The following TTC21A variants were observed in gnomAD, a reference collection of about 807,000 sequenced individuals.
TTC21A encodes the protein tetratricopeptide repeat protein 21A.
TTC21A carries 128 observed loss-of-function variants against 156.4 expected under a neutral mutation model. That is an observed-to-expected ratio of 0.82 (90% CI 0.71 to 0.95). The LOEUF (loss-of-function observed/expected upper bound fraction) is 0.95. Among genes scored for constraint, TTC21A ranks in the 40% least tolerant of loss-of-function variants. TTC21A has a pLI of 0.00. For synonymous variants in TTC21A, 587 were observed against 617.1 expected (o/e 0.95, Z 0.72); for missense variants, 1,435 against 1,602.3 (o/e 0.90, Z 1.78).
rs368546946 is a variant in TTC21A, at chr3:39,112,591, G to C, written c.558+11G>C. On this transcript the variant is annotated intron_variant, in intron 5 of 28. Transcript: ENST00000683103. ...GGGCTGATGGGAAAGGTGGGCAGTG[G>C]AAAAGGGAGAGGTGGAAGTATTCCT... 1.5e-5 allele frequency: 24 copies of C among 1,613,490 alleles called. No homozygotes were observed. In the African/African-American group the frequency reaches 2.4e-4, roughly 16 times the overall value.
chr3:39,132,985 T>TA (rs1217425069), intron 19 of TTC21A, 67 bp from the exon 20 acceptor site: 7 of 1,559,120 alleles, frequency 4.5e-6, no homozygotes, highest in Non-Finnish European at 6.1e-6. Flanking sequence ...ATTAAGAACT[T>TA]AGGACTTTCT....
rs2039288774 is a variant in TTC21A at position 39,138,274 on chromosome 3, A to G, written c.3683A>G (p.Tyr1228Cys). ...RRCVQYNKSC[Y>C]KAYEYMGFIM... ...AACTGGCTTTCCCTGCAGTCCTGCT[A>G]CAAGGCCTATGAGTACATGGGCTTC... is the stretch of plus-strand genomic sequence containing the variant. Residue 1228 changes from tyrosine to cysteine, a missense_variant, in exon 27 of 29, where the codon TAC becomes TGC. Physicochemically the swap from Tyr to Cys is radical, Grantham distance 194. Transcript: ENST00000683103. 1.2e-6 allele frequency: 2 copies of G among 1,614,090 alleles called. No individual in the cohort carries two copies. The highest frequency in any genetic ancestry group is 1.7e-6 in the Non-Finnish European group (2 of 1,179,952).
chr3:39,138,476 G>A, intron 27 of TTC21A, 80 bp from the exon 28 acceptor site: 1 of 1,613,622 alleles, frequency 6.2e-7, no homozygotes, highest in Admixed American at 1.7e-5. Context: ...CTCAAGGCCT[G>A]TACCCTGGCT....
intron 8 of TTC21A, 128 bp downstream of exon 8, chr3:39,120,148 G>A: frequency 1.5e-6 from 1 of 658,324 alleles, no homozygotes. Flanking sequence ...GTCCTTTAGG[G>A]TAGTGGCTCA....
chr3:39,135,191 A>G lies in TTC21A; in HGVS notation c.2944+17A>G, dbSNP rs750823838. 1 of 1,609,186 alleles carries G rather than the reference A, an allele frequency of 6.2e-7. No individual in the cohort carries two copies. Among genetic ancestry groups the G allele is most frequent in the East Asian group, 2.2e-5 (1 of 44,854 alleles). ...AAGCGCCAGGTAATTCTGCCCATGG[A>G]GACTGCCTGTACCAGTTCCCACTGA... On this transcript the variant is annotated intron_variant, in intron 22 of 28. Transcript: ENST00000683103.
chr3:39,110,410 C>T, intron 3 of TTC21A: 2 of 562,578 alleles, frequency 3.6e-6, no homozygotes, highest in Non-Finnish European at 6.4e-6. Context: ...GGGAAACACC[C>T]TTCTTCTTTG....
Position 39,121,129 on chromosome 3 carries a change from G to T in TTC21A, c.1033G>T (p.Ala345Ser), listed in dbSNP as rs772666910. 1.2e-6 allele frequency: 2 copies of T among 1,614,114 alleles called. No individual in the cohort carries two copies. The highest frequency in any genetic ancestry group is 1.7e-5 in the Admixed American group (1 of 60,012). ...CATCCTGAAGAACCAAGTGAAAGAG[G>T]CCTTGCTGTGGTATTCAGAAGCCAT... is the stretch of plus-strand genomic sequence containing the variant. ...LFILKNQVKE[A>S]LLWYSEAMKL... is the part of the protein sequence containing the mutation. The change falls in exon 9 of 29, where the codon GCC (alanine) becomes TCC (serine). Residue 345 changes from alanine (A) to serine (S), a missense_variant. By Grantham distance (99) the Ala-to-Ser change is moderately conservative. Coordinates refer to ENST00000683103, the MANE Select transcript of TTC21A (RefSeq NM_001366900.1).
Position 39,133,158 on chromosome 3 carries a change from A to G in TTC21A, c.2669A>G (p.Glu890Gly), listed in dbSNP as rs376372718. ...LAASICIQFA[E>G]HYLAEKEYDK... ...GCCTCTATCTGCATCCAATTTGCAG[A>G]GCACTACCTGGCAGAGAAAGAGTAT... Residue 890 changes from glutamate (E) to glycine (G), a missense_variant, in exon 20 of 29, where the codon GAG (glutamate) becomes GGG (glycine). Coordinates refer to ENST00000683103, the MANE Select transcript of TTC21A (RefSeq NM_001366900.1). 12 of 1,614,116 alleles carry G rather than the reference A, an allele frequency of 7.4e-6. No individual in the cohort carries two copies. Among genetic ancestry groups the G allele is most frequent in the Non-Finnish European group, 1.0e-5 (12 of 1,180,056 alleles).
chr3:39,108,950 G>A (rs1208652884), intron 1 of TTC21A, 135 bp from the exon 2 acceptor site: 1 of 1,000,564 alleles, frequency 1.0e-6, no homozygotes, highest in East Asian at 2.5e-5. Flanking sequence ...AGGCCTGAAT[G>A]TTTCCTCTTT....
chr3:39,118,563 G>A (rs941015401), intron 7 of TTC21A: 17 of 188,308 alleles, frequency 9.0e-5, no homozygotes, highest in Admixed American at 5.5e-4. Context: ...AGTAGAAGTC[G>A]TGGTAGTATT....
chr3:39,118,025 C>G (rs2037434776), intron 6 of TTC21A, 44 bp from the exon 7 acceptor site: 1 of 1,424,360 alleles, frequency 7.0e-7, no homozygotes, highest in Non-Finnish European at 9.9e-7. Context: ...CCCAGCTTTG[C>G]CTATCAATAC....
At chr3:39,121,326 G>A (rs775792366) in intron 9 of TTC21A, 137 bp downstream of exon 9, 7 of 703,858 alleles carry the variant, frequency 9.9e-6, no homozygotes, top group Non-Finnish European at 1.4e-5. Flanking sequence ...GTATGATGGG[G>A]TATCTTTCTG....
intron 11 of TTC21A, 111 bp from the exon 12 acceptor site, chr3:39,126,142 TAATAAATA>T: frequency 7.9e-7 from 1 of 1,270,236 alleles, no homozygotes; most frequent in Non-Finnish European, 1.1e-6. Context: ...ATACAGAGGA[TAATAAATA>T]AGTGTGGAAT....
intron 8 of TTC21A, among the ~76,000 whole-genome samples, 167 bp from the exon 9 acceptor site, chr3:39,120,830 G>C (rs2037707399): frequency 1.3e-5 from 2 of 152,210 alleles, no homozygotes; most frequent in Admixed American, 1.3e-4. Flanking sequence ...GAGGTTCCTT[G>C]GGAGCCAGAC....
In TTC21A at chr3:39,130,116, C is replaced by T. The variant is rs771495489; in HGVS notation, c.2173C>T (p.Leu725=). 9 of 1,614,142 alleles carry T rather than the reference C, an allele frequency of 5.6e-6. No individual in the cohort carries two copies. The Admixed American group carries it at 1.3e-4, about 24-fold the overall frequency. Residue 725 remains leucine, a synonymous_variant, in exon 16 of 29, where the codon CTG becomes TTG. Transcript: ENST00000683103. This position sits in a 1 kb window ranked among gnomAD's most constrained non-coding sequence, Gnocchi z 4.5. ...CEHLPGPHTS[L]LLGDALMSIL... ...ACATCTGCCTGGCCCCCACACCAGC[C>T]TGCTACTGGGCGATGCCTTAATGAG... is the stretch of plus-strand genomic sequence containing the variant.
In TTC21A at chr3:39,138,315, C is replaced by A; in HGVS notation, c.3724C>A (p.Gln1242Lys). The A allele has an allele frequency of 6.2e-7, 1 of 1,614,152 alleles. No individual in the cohort carries two copies. The highest frequency in any genetic ancestry group is 2.2e-5 in the East Asian group (1 of 44,884). ...CATGGGCTTCATCATGGAGAAGGAGCAGTCCTACAAGGATGCAGTCACCAA... is the reference window on the plus strand; with the variant it reads ...CATGGGCTTCATCATGGAGAAGGAGAAGTCCTACAAGGATGCAGTCACCAA... ...EYMGFIMEKE[Q>K]SYKDAVTNYK... The change falls in exon 27 of 29, where the codon CAG becomes AAG. Residue 1242 changes from glutamine (Q) to lysine (K), a missense_variant. By Grantham distance (53) the Gln-to-Lys change is moderately conservative (BLOSUM62 1). Coordinates refer to ENST00000683103, the MANE Select transcript of TTC21A (RefSeq NM_001366900.1).
chr3:39,109,218 A>G lies in TTC21A; in HGVS notation c.157+4A>G. 6.2e-7 allele frequency: 1 copy of G among 1,610,790 alleles called. No individual in the cohort carries two copies. On this transcript the variant is annotated splice_donor_region_variant and intron_variant, in intron 2 of 28. Transcript: ENST00000683103. ...GCCTATGGAGTCCTCAAAGAAGGTA[A>G]GGACTTGGCAGTGTTGGTCTTGTGA...
rs1489948479 is a variant in TTC21A at position 39,130,033 on chromosome 3, GGT to G, written c.2136-40_2136-39del. 2 of 1,580,758 alleles carry G rather than the reference GGT, an allele frequency of 1.3e-6. No homozygotes were observed. ...GAAGGAGATGATTTCAGGAACATGA[GGT>G]GTGTGCGAACCTGGGATAAGCTTTT... On this transcript the variant is annotated intron_variant, in intron 15 of 28. Coordinates refer to ENST00000683103, the MANE Select transcript of TTC21A (RefSeq NM_001366900.1). The surrounding 1 kb of genome is among the most constrained non-coding windows in gnomAD (Gnocchi z 4.5).
At chr3:39,129,390 C>A in intron 15 of TTC21A, 80 bp downstream of exon 15, 1 of 1,054,870 alleles carries the variant, frequency 9.5e-7, no homozygotes, top group Non-Finnish European at 1.5e-6. Context: ...GGTATTTCTT[C>A]AACCTGGGTC....
Sources: gnomAD v4.1 joint callset for allele counts (sites outside exome capture counted in the v4.1 genomes callset) on GRCh38, gnomAD v4.1.1 for gene constraint, Gnocchi (gnomAD v3.1) non-coding constraint, MANE v1.5 for transcripts, NCBI Gene and HGNC (gene_info 2026-07-23, HGNC 2026-07-21) for gene names.